QRICH1: variants seen among roughly 807,000 people sequenced by gnomAD.
QRICH1 encodes transcriptional regulator QRICH1.
In QRICH1, 16 loss-of-function variants were observed where a neutral mutation model predicts 87.1. The observed-to-expected ratio is 0.18, with a 90% CI of 0.12 to 0.28. QRICH1 has a LOEUF of 0.28. Among genes scored for constraint, QRICH1 ranks in the 10% least tolerant of loss-of-function variants. The pLI is 1.00. For synonymous variants in QRICH1, 367 were observed against 368.4 expected (o/e 1.00, Z 0.05); for missense variants, 647 against 951.7 (o/e 0.68, Z 4.21).
intron 2 of QRICH1, among the ~76,000 whole-genome samples, chr3:49,063,910 ATTC>A (rs1253652455): frequency 6.6e-6 from 1 of 152,046 alleles, no homozygotes; most frequent in African/African-American, 2.4e-5. Context: ...TAATTTTTTA[ATTC>A]TTTTTTTATT....
chr3:49,032,663 C>T lies in QRICH1; in HGVS notation c.2006G>A (p.Arg669Gln), dbSNP rs1352282032. Residue 669 changes from arginine (R) to glutamine (Q), a missense_variant, in exon 8 of 10, where the codon CGG (arginine) becomes CAG (glutamine). By Grantham distance (43) the Arg-to-Gln change is conservative. Around this residue, in one of 7 missense-constraint regions of QRICH1, gnomAD observed 187 missense variants for 309.5 expected, o/e 0.60. Coordinates refer to ENST00000395443, the MANE Select transcript of QRICH1 (RefSeq NM_198880.3). ...SNPKDKSTSI[R>Q]YLKALGIHQT... Reference sequence around the variant, plus strand: ...GTGTATTCCAAGGGCCTTCAAGTACCGGATACTCGTGCTTTTATCCTTGGG... The same window carrying T: ...GTGTATTCCAAGGGCCTTCAAGTACTGGATACTCGTGCTTTTATCCTTGGG... 1.9e-6 allele frequency: 3 copies of T among 1,610,304 alleles called. No homozygotes were observed. The highest frequency in any genetic ancestry group is 1.7e-5 in the Admixed American group (1 of 58,934).
intron 5 of QRICH1, 99 bp from the exon 6 acceptor site, chr3:49,044,603 T>G: frequency 2.4e-6 from 2 of 829,700 alleles, no homozygotes; most frequent in Non-Finnish European, 1.9e-6. Context: ...TATCCTTCCC[T>G]ACCCATTCAC....
At chr3:49,065,173 T>C (rs2093460508) in intron 2 of QRICH1, among the ~76,000 whole-genome samples, 1 of 151,862 alleles carries the variant, frequency 6.6e-6, no homozygotes, top group Non-Finnish European at 1.5e-5. Context: ...TCTCACTCTG[T>C]TGCCCAGGCT....
chr3:49,056,645 TC>T, intron 3 of QRICH1: 1 of 859,538 alleles, frequency 1.2e-6, no homozygotes, highest in Non-Finnish European at 1.8e-6. Flanking sequence ...CCAAAGCAAT[TC>T]CTGGCCATCT....
chr3:49,061,681 C>T (rs1053453968), intron 2 of QRICH1, among the ~76,000 whole-genome samples: 3 of 151,568 alleles, frequency 2.0e-5, no homozygotes, highest in Non-Finnish European at 2.9e-5. Flanking sequence ...GGTGAAACCC[C>T]GTCTCTACTA....
chr3:49,040,713 A>T (rs1312678587), intron 6 of QRICH1, among the ~76,000 whole-genome samples: 1 of 152,182 alleles, frequency 6.6e-6, no homozygotes, highest in African/African-American at 2.4e-5. Flanking sequence ...CGTGAACACA[A>T]GTTTTAAACT....
intron 2 of QRICH1, among the ~76,000 whole-genome samples, chr3:49,067,646 C>T (rs1399457553): frequency 6.6e-6 from 1 of 151,762 alleles, no homozygotes; most frequent in Non-Finnish European, 1.5e-5. Context: ...AAGAGCCAAG[C>T]TTTTTCACTG....
intron 9 of QRICH1, 59 bp downstream of exon 9, chr3:49,032,124 A>T: frequency 7.6e-7 from 1 of 1,311,528 alleles, no homozygotes; most frequent in Non-Finnish European, 1.1e-6. Context: ...ACAAGTGAGC[A>T]TGCACACGCA....
intron 6 of QRICH1, among the ~76,000 whole-genome samples, chr3:49,038,193 TG>T (rs2093287472): frequency 6.6e-6 from 1 of 151,412 alleles, no homozygotes; most frequent in African/African-American, 2.4e-5. Context: ...CCATAATAGC[TG>T]GGACTACAGG....
intron 1 of QRICH1, chr3:49,092,521 T>C (rs2042295726): frequency 6.6e-6 from 1 of 152,102 alleles, no homozygotes; most frequent in South Asian, 2.1e-4. Context: ...AATTTTAACT[T>C]TGTTCTTAAA....
At chr3:49,071,479 C>G (rs2093500173) in intron 2 of QRICH1, among the ~76,000 whole-genome samples, 1 of 152,068 alleles carries the variant, frequency 6.6e-6, no homozygotes, top group Non-Finnish European at 1.5e-5. Context: ...CCAAGACCAG[C>G]CTAGGGGCCA....
chr3:49,087,444 C>T (rs1171550651), intron 1 of QRICH1, among the ~76,000 whole-genome samples: 1 of 151,548 alleles, frequency 6.6e-6, no homozygotes, highest in Non-Finnish European at 1.5e-5. Flanking sequence ...ACTAGGGAAG[C>T]TGAGGCAGGA....
chr3:49,080,397 T>C (rs574762576), intron 1 of QRICH1, among the ~76,000 whole-genome samples: 4 of 151,926 alleles, frequency 2.6e-5, no homozygotes. Context: ...TTGTCTGAAG[T>C]CTGGGAAAAA....
intron 7 of QRICH1, 100 bp downstream of exon 7, chr3:49,033,020 G>C: frequency 2.8e-6 from 3 of 1,069,566 alleles, no homozygotes; most frequent in Middle Eastern, 4.5e-4. Context: ...CAGTAGCCCA[G>C]TTTCTCAAAT....
At chr3:49,065,942 C>T (rs1165256360) in intron 2 of QRICH1, among the ~76,000 whole-genome samples, 1 of 152,150 alleles carries the variant, frequency 6.6e-6, no homozygotes, top group African/African-American at 2.4e-5. Flanking sequence ...CTTGGCCTCC[C>T]AAAGTGCTGG....
intron 6 of QRICH1, among the ~76,000 whole-genome samples, chr3:49,036,929 G>A (rs935268649): frequency 2.6e-5 from 4 of 151,858 alleles, no homozygotes; most frequent in African/African-American, 9.7e-5. Flanking sequence ...CAAGCATGAT[G>A]GCATGTGCCT....
intron 2 of QRICH1, among the ~76,000 whole-genome samples, chr3:49,076,327 C>T (rs1429945241): frequency 6.6e-6 from 1 of 152,204 alleles, no homozygotes; most frequent in Admixed American, 6.5e-5. Flanking sequence ...GGACCGGGTT[C>T]CGGTGTGGAG....
chr3:49,077,022 C>T lies in QRICH1; in HGVS notation c.-5G>A. On this transcript the variant is annotated 5_prime_UTR_variant, in exon 2 of 10. Transcript: ENST00000395443. ...GTTCTCTAGGGAATTATTCATATTG[C>T]AGAGTCCTTAGGGTTCCTAGAAATA... is the stretch of plus-strand genomic sequence containing the variant. 6.9e-7 allele frequency: 1 copy of T among 1,451,726 alleles called. No homozygotes were observed. The highest frequency in any genetic ancestry group is 9.2e-7 in the Non-Finnish European group (1 of 1,086,912). 89.9% of individuals were successfully genotyped at this position (1,451,726 alleles called of 1,614,324 possible).
chr3:49,083,129 C>T (rs1287029021), intron 1 of QRICH1: 1 of 139,808 alleles, frequency 7.2e-6, no homozygotes, highest in Non-Finnish European at 1.5e-5. Context: ...TCGCTTGAAC[C>T]TGGGAGGCGG....
Sources: gnomAD v4.1 joint callset for allele counts (sites outside exome capture counted in the v4.1 genomes callset) on GRCh38, gnomAD v4.1.1 for gene constraint, gnomAD v4.1.1 regional missense constraint, MANE v1.5 for transcripts, NCBI Gene and HGNC (gene_info 2026-07-23, HGNC 2026-07-21) for gene names.